The following DLGAP2 variants were observed in gnomAD, a reference collection of about 807,000 sequenced individuals.
DLGAP2 encodes the protein DLG associated protein 2, also known as disks large-associated protein 2.
DLGAP2 carries 26 observed loss-of-function variants against 100.3 expected under a neutral mutation model. That is an observed-to-expected ratio of 0.26 (90% CI 0.19 to 0.36). The LOEUF is 0.36. Ranked by LOEUF, DLGAP2 falls within the 10% of genes least tolerant of loss-of-function variation. The probability of loss-of-function intolerance (pLI) is 1.00; values close to 1 mark genes in which losing one functional copy is unlikely to be tolerated. For synonymous variants in DLGAP2, 886 were observed against 630.1 expected, an observed-to-expected ratio of 1.41 and a Z score of -6.08; for missense variants, 1,858 against 1,453.2, an observed-to-expected ratio of 1.28 and a Z score of -4.53.
chr8:1,666,391 G>A (rs1050565571), intron 8 of DLGAP2, among the ~76,000 whole-genome samples: 9 of 152,084 alleles, frequency 5.9e-5, no homozygotes, highest in Non-Finnish European at 1.3e-4. Flanking sequence ...ATCCACTTTG[G>A]GCTGGATGTG....
chr8:876,062 G>A (rs568664611), intron 1 of DLGAP2, among the ~76,000 whole-genome samples: 6 of 152,056 alleles, frequency 3.9e-5, no homozygotes, highest in South Asian at 2.1e-4. Flanking sequence ...AACCCTCTTC[G>A]TGCTGTTATT....
intron 3 of DLGAP2, among the ~76,000 whole-genome samples, chr8:1,337,258 G>C (rs1038401119): frequency 6.7e-6 from 1 of 149,858 alleles, no homozygotes; most frequent in African/African-American, 2.5e-5. Flanking sequence ...TGATGATGGT[G>C]GTGATGATGA....
At chr8:1,462,710 A>T (rs1393442928) in intron 3 of DLGAP2, among the ~76,000 whole-genome samples, 1 of 152,082 alleles carries the variant, frequency 6.6e-6, no homozygotes, top group African/African-American at 2.4e-5. Flanking sequence ...AGGGGAAGGG[A>T]CCAGGAATGT....
intron 1 of DLGAP2, among the ~76,000 whole-genome samples, chr8:809,562 T>C (rs1393338004): frequency 6.6e-6 from 1 of 152,104 alleles, no homozygotes; most frequent in Non-Finnish European, 1.5e-5. Context: ...GGTTACTTGA[T>C]GGTGTGGCAT....
In DLGAP2 at chr8:1,255,041, C is replaced by T. The variant is rs1236205764; in HGVS notation, c.74-3810C>T. ...GTGTGTGTGTCTTCTCCTGCCCAGC[C>T]GCTGTGTGTGTGTCCTCTCATCCTG... On this transcript the variant is annotated intron_variant, in intron 2 of 14. Coordinates refer to ENST00000637795, the MANE Select transcript of DLGAP2 (RefSeq NM_001346810.2). Among the ~76,000 whole-genome samples, 257 of 60,612 alleles carry T rather than the reference C, an allele frequency of 4.2e-3. 13 individuals carry two copies. The highest frequency in any genetic ancestry group is 0.011 in the African/African-American group (214 of 19,072). 39.8% of individuals were successfully genotyped at this position (60,612 alleles called of 152,430 possible).
intron 2 of DLGAP2, among the ~76,000 whole-genome samples, chr8:964,534 C>T (rs1335229416): frequency 2.0e-5 from 3 of 152,266 alleles, no homozygotes; most frequent in East Asian, 1.9e-4. Context: ...TTATTTGAAA[C>T]GTAAACAGAG....
intron 3 of DLGAP2, among the ~76,000 whole-genome samples, chr8:1,424,727 G>C (rs933789861): frequency 3.3e-5 from 5 of 152,172 alleles, no homozygotes; most frequent in African/African-American, 1.2e-4. Flanking sequence ...GACAAGGATG[G>C]TGTGATCCCC....
chr8:1,696,361 G>A (rs1799398332), intron 13 of DLGAP2, among the ~76,000 whole-genome samples: 1 of 152,158 alleles, frequency 6.6e-6, no homozygotes, highest in Non-Finnish European at 1.5e-5. Flanking sequence ...TTAGCTGGGT[G>A]TAGTGACCTA....
chr8:1,230,338 A>G (rs565107739), intron 2 of DLGAP2, among the ~76,000 whole-genome samples: 1 of 152,300 alleles, frequency 6.6e-6, no homozygotes, highest in South Asian at 2.1e-4. Context: ...GAGAACTATA[A>G]AACACTGCTA....
At chr8:1,337,590 C>T (rs17748020) in intron 3 of DLGAP2, among the ~76,000 whole-genome samples, 65,846 of 103,104 alleles carry the variant, frequency 0.64, 17,454 homozygotes, top group African/African-American at 0.8. Context: ...AGATGGCATG[C>T]TTGGGTTCCT....
chr8:1,447,679 G>T (rs1041189663), intron 3 of DLGAP2, among the ~76,000 whole-genome samples: 1 of 152,120 alleles, frequency 6.6e-6, no homozygotes, highest in Non-Finnish European at 1.5e-5. Flanking sequence ...TTCTCCTTGT[G>T]CCTCTGGTAG....
intron 2 of DLGAP2, among the ~76,000 whole-genome samples, chr8:943,941 G>A (rs753736410): frequency 1.3e-5 from 2 of 152,252 alleles, no homozygotes; most frequent in Non-Finnish European, 2.9e-5. Flanking sequence ...GAATCTGTCA[G>A]TGTTGAAGAT....
At chr8:1,469,081 G>A (rs1798709581) in intron 3 of DLGAP2, among the ~76,000 whole-genome samples, 1 of 151,866 alleles carries the variant, frequency 6.6e-6, no homozygotes, top group Admixed American at 6.5e-5. Context: ...CGCATGACAT[G>A]TCCTGTCATT....
At chr8:1,270,446 A>G (rs981243577) in intron 3 of DLGAP2, among the ~76,000 whole-genome samples, 5 of 152,184 alleles carry the variant, frequency 3.3e-5, no homozygotes, top group Admixed American at 1.3e-4. Context: ...CATTTTCAGT[A>G]TATGTGTCCT....
intron 3 of DLGAP2, among the ~76,000 whole-genome samples, chr8:1,315,217 G>C (rs1800705110): frequency 6.6e-6 from 1 of 152,218 alleles, no homozygotes; most frequent in South Asian, 2.1e-4. Flanking sequence ...TAAAAATAGA[G>C]CGTGTGCAAG....
rs115410877 is a variant in DLGAP2, at chr8:1,346,141, G to A, written c.106+87258G>A. The stretch of plus-strand genomic sequence containing the variant: ...GTGTGGAAGTCAAAAGCCCATACAC[G>A]TCTGCACTGCTCTGATGGTAACTGT... On this transcript the variant is annotated intron_variant, in intron 3 of 14. Coordinates refer to ENST00000637795, the MANE Select transcript of DLGAP2 (RefSeq NM_001346810.2). Among the ~76,000 whole-genome samples the A allele has an allele frequency of 5.9e-3, 891 of 152,194 alleles. 10 individuals are homozygous for A. Among genetic ancestry groups the A allele is most frequent in the African/African-American group, 0.02 (826 of 41,528 alleles).
chr8:754,234 T>C (rs964114106), intron 1 of DLGAP2: 1 of 152,228 alleles, frequency 6.6e-6, no homozygotes, highest in Non-Finnish European at 1.5e-5. Flanking sequence ...TTTCGTCCAC[T>C]GTCACTGCCG....
chr8:995,913 A>T (rs993010073), intron 2 of DLGAP2, among the ~76,000 whole-genome samples: 1 of 152,144 alleles, frequency 6.6e-6, no homozygotes, highest in South Asian at 2.1e-4. Context: ...ACTAAAGAAA[A>T]GATGGGATTT....
chr8:1,467,491 G>A (rs562731192), intron 3 of DLGAP2, among the ~76,000 whole-genome samples: 5 of 152,048 alleles, frequency 3.3e-5, no homozygotes, highest in South Asian at 2.1e-4. Context: ...CAGGGACTCC[G>A]TGACCTCGGC....
Sources: gnomAD v4.1 joint callset for allele counts (sites outside exome capture counted in the v4.1 genomes callset) on GRCh38, gnomAD v4.1.1 for gene constraint, MANE v1.5 for transcripts, NCBI Gene and HGNC (gene_info 2026-07-23, HGNC 2026-07-21) for gene names.